DPY19L2: variants seen among roughly 807,000 people sequenced by gnomAD.
DPY19L2 encodes probable C-mannosyltransferase DPY19L2.
Under a neutral mutation model 97.9 loss-of-function variants are expected in DPY19L2, and 34 were observed. The observed-to-expected ratio is 0.35, with a 90% CI of 0.26 to 0.46. The LOEUF is 0.46. Among genes scored for constraint, DPY19L2 ranks in the 20% least tolerant of loss-of-function variants. The probability of loss-of-function intolerance (pLI) is 1.00; values close to 1 mark genes in which losing one functional copy is unlikely to be tolerated. For missense variants in DPY19L2, 623 were observed against 911.4 expected, an observed-to-expected ratio of 0.68 and a Z score of 4.07; for synonymous variants, 230 against 307.9, an observed-to-expected ratio of 0.75 and a Z score of 2.65.
At chr12:63,641,221 T>TA (rs1415364322) in intron 6 of DPY19L2, among the ~76,000 whole-genome samples, 3 of 151,946 alleles carry the variant, frequency 2.0e-5, no homozygotes, top group African/African-American at 4.8e-5. Context: ...AGAACTTTTT[T>TA]AAAAAAATAG....
rs11532475 is a variant in DPY19L2, at chr12:63,663,740, T to C, written c.450+18A>G. On this transcript the variant is annotated intron_variant, in intron 3 of 21. Transcript: ENST00000324472. ...ATTCTTAAACCACAAATTAATTCAT[T>C]AGAAGAAGAAACCTAACCATTTCAG... The C allele has an allele frequency of 0.027, 42,018 of 1,585,036 alleles. 1,392 individuals carry two copies. Among genetic ancestry groups the C allele is most frequent in the East Asian group, 0.13 (5,670 of 44,264 alleles).
At chr12:63,652,926 T>C (rs1894466876) in intron 4 of DPY19L2, among the ~76,000 whole-genome samples, 1 of 151,676 alleles carries the variant, frequency 6.6e-6, no homozygotes, top group East Asian at 1.9e-4. Context: ...GAACGTAAAA[T>C]AGAAGTTGGA....
intron 6 of DPY19L2, among the ~76,000 whole-genome samples, chr12:63,637,884 G>A (rs1892010739): frequency 1.3e-5 from 2 of 151,968 alleles, no homozygotes; most frequent in South Asian, 2.1e-4. Flanking sequence ...CTGATACCAA[G>A]GCCTGGCAGA....
At chr12:63,633,954 A>G (rs1891173386) in intron 6 of DPY19L2, among the ~76,000 whole-genome samples, 1 of 152,128 alleles carries the variant, frequency 6.6e-6, no homozygotes. Context: ...TCAGCAAACT[A>G]TCGCAAAGAC....
At chr12:63,589,644 A>G (rs981474798) in intron 16 of DPY19L2, among the ~76,000 whole-genome samples, 6 of 152,024 alleles carry the variant, frequency 3.9e-5, no homozygotes, top group East Asian at 1.9e-4. Flanking sequence ...ATGAAAAAAA[A>G]TTTTCATGTT....
chr12:63,568,775 G>A (rs1878248104), intron 21 of DPY19L2, among the ~76,000 whole-genome samples: 2 of 152,006 alleles, frequency 1.3e-5, no homozygotes, highest in South Asian at 2.1e-4. Context: ...TTAGAGATTC[G>A]AAATTCAGAA....
Position 63,570,767 on chromosome 12 carries a change from G to A in DPY19L2, c.1991C>T (p.Ala664Val), listed in dbSNP as rs756492495. 1 of 1,610,282 alleles carries A rather than the reference G, an allele frequency of 6.2e-7. No individual in the cohort carries two copies. The highest frequency in any genetic ancestry group is 2.2e-5 in the East Asian group (1 of 44,692). ...PIVNHPHYEDADLRARTKIVY... is the reference protein window; with the variant it reads ...PIVNHPHYEDVDLRARTKIVY... Reference sequence around the variant, plus strand: ...CTCATCAGCTGCCAACCTCAAGTCTGCATCTTCGTAATGTGGATGATTCAC... The same window carrying A: ...CTCATCAGCTGCCAACCTCAAGTCTACATCTTCGTAATGTGGATGATTCAC... The change falls in exon 20 of 22, where the codon GCA (alanine) becomes GTA (valine). Residue 664 changes from alanine (A) to valine (V), a missense_variant. Physicochemically the swap from Ala to Val is moderately conservative, Grantham distance 64. Coordinates refer to ENST00000324472, the MANE Select transcript of DPY19L2 (RefSeq NM_173812.5).
At chr12:63,645,176 C>A (rs1162866161) in intron 5 of DPY19L2, among the ~76,000 whole-genome samples, 1 of 152,060 alleles carries the variant, frequency 6.6e-6, no homozygotes, top group East Asian at 1.9e-4. Context: ...TATAAACATA[C>A]TTTTCTTATG....
intron 19 of DPY19L2, among the ~76,000 whole-genome samples, chr12:63,580,239 C>T (rs1177599209): frequency 2.6e-5 from 4 of 152,104 alleles, no homozygotes; most frequent in African/African-American, 7.2e-5. Context: ...GTGACAGAAG[C>T]GGTGCTGGTT....
intron 4 of DPY19L2, chr12:63,661,087 T>C: frequency 4.3e-6 from 1 of 234,944 alleles, no homozygotes; most frequent in Non-Finnish European, 8.1e-6. Flanking sequence ...CCCATGACTC[T>C]CTTTTCCATT....
At chr12:63,591,331 G>A (rs1882866715) in intron 16 of DPY19L2, among the ~76,000 whole-genome samples, 1 of 152,044 alleles carries the variant, frequency 6.6e-6, no homozygotes, top group African/African-American at 2.4e-5. Context: ...TAAAGTAGAA[G>A]TCACAAAATA....
At chr12:63,579,442 G>T (rs117491073) in intron 19 of DPY19L2, among the ~76,000 whole-genome samples, 60 of 152,252 alleles carry the variant, frequency 3.9e-4, no homozygotes, top group Non-Finnish European at 6.8e-4. Context: ...GTAGTTAAAA[G>T]GAGAATAAGA....
intron 6 of DPY19L2, among the ~76,000 whole-genome samples, chr12:63,639,264 T>G (rs956727602): frequency 1.3e-5 from 2 of 151,712 alleles, no homozygotes; most frequent in African/African-American, 4.8e-5. Context: ...GAAGAAAACC[T>G]AGGCCATTCA....
chr12:63,606,509 A>T (rs1270086298), intron 12 of DPY19L2, among the ~76,000 whole-genome samples: 2 of 152,246 alleles, frequency 1.3e-5, no homozygotes, highest in Middle Eastern at 3.4e-3. Flanking sequence ...TTTCTCTTTT[A>T]ATCTCTTAGT....
At chr12:63,658,071 G>A (rs947476082) in intron 4 of DPY19L2, among the ~76,000 whole-genome samples, 1 of 152,156 alleles carries the variant, frequency 6.6e-6, no homozygotes, top group Non-Finnish European at 1.5e-5. Context: ...GTAGGAATGA[G>A]AGTGCCATCA....
chr12:63,588,504 G>C (rs1010289266), intron 16 of DPY19L2, among the ~76,000 whole-genome samples: 1 of 151,978 alleles, frequency 6.6e-6, no homozygotes, highest in Non-Finnish European at 1.5e-5. Context: ...TTAAAAAATC[G>C]TTAAGAGGGT....
intron 11 of DPY19L2, among the ~76,000 whole-genome samples, chr12:63,615,018 A>G (rs1887618540): frequency 6.6e-6 from 1 of 152,160 alleles, no homozygotes; most frequent in South Asian, 2.1e-4. Flanking sequence ...CTTGTCATAC[A>G]TGACACAAGT....
At chr12:63,615,830 T>C (rs1887730362) in intron 11 of DPY19L2, among the ~76,000 whole-genome samples, 1 of 152,084 alleles carries the variant, frequency 6.6e-6, no homozygotes, top group African/African-American at 2.4e-5. Context: ...GATATAATGG[T>C]AGTTTAAGAA....
intron 5 of DPY19L2, among the ~76,000 whole-genome samples, chr12:63,646,516 T>C (rs1893431709): frequency 6.6e-6 from 1 of 152,288 alleles, no homozygotes; most frequent in South Asian, 2.1e-4. Flanking sequence ...TCTAAAAATT[T>C]ATTCATAAAA....
Sources: allele counts gnomAD v4.1 joint callset (sites outside exome capture counted in the v4.1 genomes callset), GRCh38; gene constraint gnomAD v4.1.1; transcripts MANE v1.5; gene names NCBI Gene and HGNC (gene_info 2026-07-23, HGNC 2026-07-21).